STAMBPL1: variants seen among roughly 807,000 people sequenced by gnomAD.
STAMBPL1 encodes STAM binding protein like 1, also known as AMSH-like protease.
A neutral mutation model predicts 52.9 loss-of-function variants in STAMBPL1; 44 were observed. The observed-to-expected ratio is 0.83, with a 90% CI of 0.65 to 1.07. The LOEUF is 1.07. STAMBPL1 is among the 50% of genes least tolerant of loss of function. STAMBPL1 has a pLI of 0.00. For synonymous variants in STAMBPL1, 164 were observed against 177.3 expected (o/e 0.92, Z 0.60); for missense variants, 511 against 520.8 (o/e 0.98, Z 0.18).
intron 1 of STAMBPL1, chr10:88,882,775 T>G (rs1844437208): frequency 6.6e-6 from 1 of 152,216 alleles, no homozygotes; most frequent in Admixed American, 6.5e-5. Context: ...CCTGAAGATA[T>G]TAGAGCCAGA....
chr10:88,882,314 T>G (rs772971575), intron 1 of STAMBPL1: 8 of 152,206 alleles, frequency 5.3e-5, no homozygotes, highest in Non-Finnish European at 8.8e-5. Flanking sequence ...ATAGAGAGAT[T>G]TGCTTCTGGA....
intron 6 of STAMBPL1, among the ~76,000 whole-genome samples, chr10:88,913,794 A>G (rs1845294749): frequency 6.6e-6 from 1 of 152,202 alleles, no homozygotes; most frequent in Non-Finnish European, 1.5e-5. Flanking sequence ...AAATACATCC[A>G]TCTTTCTGGG....
intron 1 of STAMBPL1, chr10:88,894,007 C>T (rs1362607284): frequency 2.6e-5 from 4 of 152,114 alleles, no homozygotes; most frequent in Admixed American, 2.6e-4. Flanking sequence ...GCTTGAATTA[C>T]TTATCTCTTC....
chr10:88,923,351 T>A lies in STAMBPL1; in HGVS notation c.*127T>A. On this transcript the variant is annotated 3_prime_UTR_variant, in exon 11 of 11. Coordinates refer to ENST00000371926, the MANE Select transcript of STAMBPL1 (RefSeq NM_020799.4). ...TTTATACATTTTAGATGACAAAGCT[T>A]GATATTTATTGCTGTTGCACATTTT... 1 of 1,400,192 alleles carries A rather than the reference T, an allele frequency of 7.1e-7. No individual in the cohort carries two copies. The highest frequency in any genetic ancestry group is 9.2e-7 in the Non-Finnish European group (1 of 1,081,222). The allele number at this position is 1,400,192 out of a possible 1,614,324, so 86.7% of individuals were successfully genotyped here. A position where few individuals can be genotyped will look rare whatever the true frequency, so the allele number is the denominator to read the frequency against.
At chr10:88,911,336 A>G (rs1484712882) in intron 5 of STAMBPL1, among the ~76,000 whole-genome samples, 2 of 152,260 alleles carry the variant, frequency 1.3e-5, no homozygotes, top group Admixed American at 6.5e-5. Context: ...CCAGATGAAC[A>G]GCCAGTAGGA....
chr10:88,886,804 A>G (rs993813268), intron 1 of STAMBPL1, among the ~76,000 whole-genome samples: 1 of 152,158 alleles, frequency 6.6e-6, no homozygotes, highest in Non-Finnish European at 1.5e-5. Context: ...AGAGTGTTAC[A>G]TTTCAAACTT....
chr10:88,914,409 A>G (rs1845314363), intron 6 of STAMBPL1, 125 bp from the exon 7 acceptor site: 3 of 610,188 alleles, frequency 4.9e-6, no homozygotes, highest in Non-Finnish European at 7.4e-6. Flanking sequence ...AAATATGGAA[A>G]GTGGAACACC....
intron 1 of STAMBPL1, among the ~76,000 whole-genome samples, chr10:88,897,182 A>G (rs914299187): frequency 1.6e-4 from 25 of 152,154 alleles, no homozygotes; most frequent in Non-Finnish European, 3.1e-4. Flanking sequence ...CCACTTATGG[A>G]TGAGACAGCA....
At chr10:88,896,353 C>CTG (rs1347376865) in intron 1 of STAMBPL1, among the ~76,000 whole-genome samples, 1 of 152,234 alleles carries the variant, frequency 6.6e-6, no homozygotes, top group African/African-American at 2.4e-5. Context: ...ATCTGTAAGA[C>CTG]TGTGACTCAG....
chr10:88,922,099 G>C lies in STAMBPL1; in HGVS notation c.1155-238G>C, dbSNP rs1845526927. Reference sequence around the variant, plus strand: ...CTTTCCTCTGGGGTCACACACGATAGCTTATTTGCCTTGTCCCCTTAACGG... The same window carrying C: ...CTTTCCTCTGGGGTCACACACGATACCTTATTTGCCTTGTCCCCTTAACGG... On this transcript the variant is annotated intron_variant, in intron 9 of 10. Transcript: ENST00000371926. Among the ~76,000 whole-genome samples, 5 of 152,036 alleles carry C rather than the reference G, an allele frequency of 3.3e-5. No homozygotes were observed. The Admixed American group carries it at 3.3e-4, about 10-fold the overall frequency.
At chr10:88,895,384 C>T (rs1225558163) in intron 1 of STAMBPL1, among the ~76,000 whole-genome samples, 1 of 152,140 alleles carries the variant, frequency 6.6e-6, no homozygotes, top group African/African-American at 2.4e-5. Flanking sequence ...GGGACTGGGC[C>T]CTGCTGGTGA....
intron 1 of STAMBPL1, among the ~76,000 whole-genome samples, chr10:88,888,267 G>A (rs772281996): frequency 6.6e-6 from 1 of 152,088 alleles, no homozygotes; most frequent in African/African-American, 2.4e-5. Flanking sequence ...AAGGGCTGGC[G>A]AGGGTTTAGA....
intron 1 of STAMBPL1, 129 bp downstream of exon 1, chr10:88,880,767 T>A (rs946692666): frequency 3.9e-5 from 6 of 152,160 alleles, no homozygotes; most frequent in Non-Finnish European, 8.8e-5. Context: ...CCGGGCTGGC[T>A]CTAGGGGAGG....
chr10:88,883,523 A>G (rs1321959049), intron 1 of STAMBPL1, among the ~76,000 whole-genome samples: 1 of 152,230 alleles, frequency 6.6e-6, no homozygotes, highest in East Asian at 1.9e-4. Flanking sequence ...ATGTAGCTAC[A>G]TCTGGATGTG....
intron 3 of STAMBPL1, among the ~76,000 whole-genome samples, chr10:88,908,094 T>C (rs910676650): frequency 2.6e-5 from 4 of 152,226 alleles, no homozygotes; most frequent in Admixed American, 1.3e-4. Flanking sequence ...TTCTTCACTT[T>C]ACCTGGAAGC....
intron 5 of STAMBPL1, among the ~76,000 whole-genome samples, chr10:88,911,718 G>C (rs1397482047): frequency 6.6e-6 from 1 of 152,196 alleles, no homozygotes; most frequent in Non-Finnish European, 1.5e-5. Flanking sequence ...TCATCTCTGA[G>C]AATGCTCATT....
chr10:88,887,045 G>A (rs1297348536), intron 1 of STAMBPL1, among the ~76,000 whole-genome samples: 2 of 152,086 alleles, frequency 1.3e-5, no homozygotes, highest in African/African-American at 2.4e-5. Flanking sequence ...TCCCCAATCT[G>A]TTTTGTCCTT....
chr10:88,902,350 A>AT (rs148361887), intron 2 of STAMBPL1, among the ~76,000 whole-genome samples: 8,176 of 152,138 alleles, frequency 0.054, 570 homozygotes, highest in African/African-American at 0.16. Flanking sequence ...TGGAAACAAT[A>AT]TTTTTGATGG....
intron 1 of STAMBPL1, among the ~76,000 whole-genome samples, chr10:88,881,246 A>AT (rs923977680): frequency 5.9e-5 from 9 of 152,002 alleles, no homozygotes; most frequent in African/African-American, 2.2e-4. Context: ...TCCAAAACAT[A>AT]TTTTTTTCAG....
Sources: gnomAD v4.1 joint callset for allele counts (sites outside exome capture counted in the v4.1 genomes callset) on GRCh38, gnomAD v4.1.1 for gene constraint, MANE v1.5 for transcripts, NCBI Gene and HGNC (gene_info 2026-07-23, HGNC 2026-07-21) for gene names.